The following KLHL1 variants were observed in gnomAD, a reference collection of about 807,000 sequenced individuals.
KLHL1 encodes kelch like family member 1, also known as kelch-like protein 1.
Under a neutral mutation model 77.7 loss-of-function variants are expected in KLHL1, and 47 were observed. The ratio of observed to expected loss-of-function variants is 0.60; its 90% confidence interval spans 0.48 to 0.77. The LOEUF is 0.77. Among genes scored for constraint, KLHL1 ranks in the 30% least tolerant of loss-of-function variants. The probability of loss-of-function intolerance (pLI) is 0.00; values close to 1 mark genes in which losing one functional copy is unlikely to be tolerated. For missense variants in KLHL1, 925 were observed against 910.8 expected (o/e 1.02, Z -0.20); for synonymous variants, 360 against 325.2 (o/e 1.11, Z -1.15).
intron 1 of KLHL1, among the ~76,000 whole-genome samples, chr13:69,982,062 T>C (rs1264595897): frequency 6.6e-6 from 1 of 152,064 alleles, no homozygotes; most frequent in Non-Finnish European, 1.5e-5. Context: ...GAAAGTTAAG[T>C]TGTTATCAGT....
At chr13:69,977,717 G>C (rs765652172) in intron 1 of KLHL1, among the ~76,000 whole-genome samples, 10 of 152,070 alleles carry the variant, frequency 6.6e-5, no homozygotes, top group Non-Finnish European at 1.3e-4. Context: ...ATATTTTATT[G>C]AACCTCTTCC....
intron 3 of KLHL1, among the ~76,000 whole-genome samples, chr13:69,945,963 A>G (rs1293821903): frequency 2.6e-5 from 4 of 152,336 alleles, no homozygotes; most frequent in South Asian, 4.1e-4. Flanking sequence ...AAATTAGAGT[A>G]TGCTTATTCA....
intron 1 of KLHL1, among the ~76,000 whole-genome samples, chr13:70,003,548 T>C (rs1268021083): frequency 1.3e-5 from 2 of 151,820 alleles, no homozygotes; most frequent in African/African-American, 2.4e-5. Flanking sequence ...TAGAGATTCT[T>C]GTTATGCTTG....
At chr13:69,837,837 A>C (rs74090492) in intron 6 of KLHL1, among the ~76,000 whole-genome samples, 1 of 151,234 alleles carries the variant, frequency 6.6e-6, no homozygotes, top group Non-Finnish European at 1.5e-5. Context: ...CAATAATAGT[A>C]TATTCTAAGC....
intron 6 of KLHL1, among the ~76,000 whole-genome samples, chr13:69,797,589 G>T (rs754493420): frequency 5.9e-5 from 9 of 151,654 alleles, no homozygotes; most frequent in Non-Finnish European, 1.3e-4. Context: ...GGCCGAGACG[G>T]GCGGATCACA....
intron 5 of KLHL1, among the ~76,000 whole-genome samples, chr13:69,846,981 T>C (rs1296517502): frequency 6.6e-6 from 1 of 151,504 alleles, no homozygotes; most frequent in Non-Finnish European, 1.5e-5. Context: ...AAACAAAAAA[T>C]AGAATCAATT....
chr13:69,740,300 A>G (rs111307980), intron 8 of KLHL1, 94 bp downstream of exon 8: 1 of 877,302 alleles, frequency 1.1e-6, no homozygotes, highest in South Asian at 2.4e-5. Context: ...GTTTTAAAAC[A>G]ATTTTTACCA....
chr13:70,004,190 T>C (rs1885356393), intron 1 of KLHL1, among the ~76,000 whole-genome samples: 1 of 151,824 alleles, frequency 6.6e-6, no homozygotes, highest in South Asian at 2.1e-4. Context: ...AAATGGAAGG[T>C]CAGTCCTGAA....
At chr13:70,001,824 T>C (rs1159710153) in intron 1 of KLHL1, among the ~76,000 whole-genome samples, 2 of 151,636 alleles carry the variant, frequency 1.3e-5, no homozygotes, top group African/African-American at 4.8e-5. Context: ...TCATTAAATT[T>C]ACTTGACTAA....
At chr13:70,029,204 C>T (rs190830831) in intron 1 of KLHL1, among the ~76,000 whole-genome samples, 8 of 152,128 alleles carry the variant, frequency 5.3e-5, no homozygotes, top group African/African-American at 9.6e-5. Flanking sequence ...CTTGAACTTG[C>T]GGCCTGTGAT....
chr13:69,729,869 A>T (rs1873463665), intron 8 of KLHL1, among the ~76,000 whole-genome samples: 1 of 152,190 alleles, frequency 6.6e-6, no homozygotes, highest in African/African-American at 2.4e-5. Context: ...CAATGTAAGA[A>T]TTAAAAACTT....
At chr13:69,907,889 C>T (rs976374062) in intron 4 of KLHL1, among the ~76,000 whole-genome samples, 3 of 151,992 alleles carry the variant, frequency 2.0e-5, no homozygotes, top group Non-Finnish European at 2.9e-5. Flanking sequence ...TAAGATTTTT[C>T]ATACATGGAA....
chr13:69,934,996 A>ATATATATATATATATATG (rs1883133983), intron 4 of KLHL1, among the ~76,000 whole-genome samples: 1 of 144,270 alleles, frequency 6.9e-6, no homozygotes, highest in African/African-American at 2.6e-5. Context: ...ATATGTATAT[A>ATATATATATATATATATG]TATACATATT....
intron 7 of KLHL1, among the ~76,000 whole-genome samples, chr13:69,778,370 G>C (rs1481410666): frequency 1.3e-5 from 2 of 152,076 alleles, no homozygotes; most frequent in Non-Finnish European, 2.9e-5. Context: ...CCAGTTTCTA[G>C]TTTAAAGGGC....
At chr13:70,016,187 A>G (rs1177925848) in intron 1 of KLHL1, among the ~76,000 whole-genome samples, 1 of 152,240 alleles carries the variant, frequency 6.6e-6, no homozygotes, top group Non-Finnish European at 1.5e-5. Flanking sequence ...CAGAATCTCC[A>G]ATAGTTCTCC....
chr13:69,787,460 T>C (rs1405719344), intron 7 of KLHL1, among the ~76,000 whole-genome samples: 1 of 152,168 alleles, frequency 6.6e-6, no homozygotes, highest in East Asian at 1.9e-4. Context: ...TAGCCATATG[T>C]AGAAAGCTGA....
intron 7 of KLHL1, among the ~76,000 whole-genome samples, chr13:69,795,263 T>A (rs1176092022): frequency 1.3e-5 from 2 of 152,180 alleles, no homozygotes; most frequent in African/African-American, 2.4e-5. Context: ...CCCCCATCAA[T>A]CTGTGTATAT....
intron 1 of KLHL1, among the ~76,000 whole-genome samples, chr13:70,098,311 T>C (rs1462913893): frequency 6.6e-6 from 1 of 151,878 alleles, no homozygotes; most frequent in Admixed American, 6.6e-5. Flanking sequence ...GTCACATCTA[T>C]TTTTGCTTTT....
chr13:69,819,094 T>G (rs1420309231), intron 6 of KLHL1, among the ~76,000 whole-genome samples: 2 of 152,140 alleles, frequency 1.3e-5, no homozygotes, highest in African/African-American at 4.8e-5. Flanking sequence ...AGGCTGTTCT[T>G]TAAAAGATCC....
Sources: gnomAD v4.1 joint callset for allele counts (sites outside exome capture counted in the v4.1 genomes callset) on GRCh38, gnomAD v4.1.1 for gene constraint, MANE v1.5 for transcripts, NCBI Gene and HGNC (gene_info 2026-07-23, HGNC 2026-07-21) for gene names.